The following RUFY3 variants were observed in gnomAD, a reference collection of about 807,000 sequenced individuals.
RUFY3 encodes protein RUFY3.
Under a neutral mutation model 84.0 loss-of-function variants are expected in RUFY3, and 34 were observed. The observed-to-expected ratio is 0.40, with a 90% CI of 0.31 to 0.54. The LOEUF is 0.54. Among genes scored for constraint, RUFY3 ranks in the 20% least tolerant of loss-of-function variants. The pLI, the probability that RUFY3 is intolerant of heterozygous loss-of-function variation, is 0.39. For synonymous variants in RUFY3, 242 were observed against 252.9 expected, an observed-to-expected ratio of 0.96 and a Z score of 0.41; for missense variants, 507 against 736.8, an observed-to-expected ratio of 0.69 and a Z score of 3.61.
At chr4:70,752,325 G>A (rs944063571) in intron 1 of RUFY3, among the ~76,000 whole-genome samples, 2 of 149,874 alleles carry the variant, frequency 1.3e-5, no homozygotes, top group Admixed American at 6.7e-5. Flanking sequence ...TGTGTGTGTG[G>A]ATTCCTTAGG....
chr4:70,773,201 G>A (rs1011904013), intron 5 of RUFY3, among the ~76,000 whole-genome samples: 10 of 152,036 alleles, frequency 6.6e-5, no homozygotes, highest in Non-Finnish European at 1.5e-4. Flanking sequence ...AAATGAACAG[G>A]GATTCAGTAG....
At chr4:70,803,805 C>G (rs1380363419) in intron 16 of RUFY3, among the ~76,000 whole-genome samples, 1 of 151,940 alleles carries the variant, frequency 6.6e-6, no homozygotes, top group African/African-American at 2.4e-5. Context: ...TCACTGCAAC[C>G]TCCGCCTCCC....
At chr4:70,804,506 A>T in intron 17 of RUFY3, 90 bp downstream of exon 17, 1 of 1,120,668 alleles carries the variant, frequency 8.9e-7, no homozygotes. Context: ...ACTTTCCCGC[A>T]TAGAGTGCAG....
chr4:70,708,960 A>G (rs1740665234), intron 1 of RUFY3, among the ~76,000 whole-genome samples: 1 of 152,280 alleles, frequency 6.6e-6, no homozygotes, highest in East Asian at 1.9e-4. Context: ...CAGGAGTCTG[A>G]GGTGGGAGGA....
intron 1 of RUFY3, among the ~76,000 whole-genome samples, chr4:70,760,692 C>G (rs1483427602): frequency 3.9e-5 from 6 of 152,054 alleles, no homozygotes; most frequent in Non-Finnish European, 2.9e-5. Context: ...TTTTGCTGTC[C>G]TCTTGTGAGA....
intron 1 of RUFY3, among the ~76,000 whole-genome samples, chr4:70,744,575 T>C (rs1484567595): frequency 6.6e-6 from 1 of 152,136 alleles, no homozygotes; most frequent in African/African-American, 2.4e-5. Flanking sequence ...TAACAGACTC[T>C]AGTGGGTTGC....
chr4:70,744,146 C>T (rs1721762385), intron 1 of RUFY3, among the ~76,000 whole-genome samples: 1 of 152,158 alleles, frequency 6.6e-6, no homozygotes. Flanking sequence ...TGCTGTTTCT[C>T]ATCTGTTATT....
In RUFY3 at chr4:70,778,643, G is replaced by A. The variant is rs190247221; in HGVS notation, c.894+205G>A. Among the ~76,000 whole-genome samples the A allele has an allele frequency of 4.5e-3, 662 of 145,646 alleles. 3 individuals carry two copies. The highest frequency in any genetic ancestry group is 0.014 in the Middle Eastern group (4 of 284). On this transcript the variant is annotated intron_variant, in intron 8 of 17. Coordinates refer to ENST00000381006, the MANE Select transcript of RUFY3 (RefSeq NM_001037442.4). ...TGCCCAGGCTGGAGTGCAGTGGCGCGATCTTGGCTCACCGCAACCTCCGTC... is the reference window on the plus strand; with the variant it reads ...TGCCCAGGCTGGAGTGCAGTGGCGCAATCTTGGCTCACCGCAACCTCCGTC...
intron 4 of RUFY3, 77 bp from the exon 5 acceptor site, chr4:70,768,450 TTCAACCATGAA>T (rs1726374283): frequency 9.4e-6 from 12 of 1,276,664 alleles, no homozygotes; most frequent in Non-Finnish European, 1.3e-5. Flanking sequence ...ATGACTATGA[TTCAACCATGAA>T]TCAACCATTT....
intron 1 of RUFY3, among the ~76,000 whole-genome samples, chr4:70,733,989 A>G (rs1397587615): frequency 6.6e-6 from 1 of 152,248 alleles, no homozygotes; most frequent in Non-Finnish European, 1.5e-5. Flanking sequence ...ATTATATATC[A>G]GTACCTTCTA....
rs1050027675 is a variant in RUFY3, at chr4:70,806,783, G to C, written c.*124G>C. The C allele has an allele frequency of 2.5e-6, 3 of 1,208,176 alleles. No homozygotes were observed. The highest frequency in any genetic ancestry group is 3.0e-5 in the African/African-American group (2 of 65,744). 74.8% of individuals were successfully genotyped at this position (1,208,176 alleles called of 1,614,324 possible). ...CTAAAGAGTTGATAGGAATTTACTA[G>C]GTCCAGGGAGAAAAGGCAGTGGTTG... is the stretch of plus-strand genomic sequence containing the variant. On this transcript the variant is annotated 3_prime_UTR_variant, in exon 18 of 18. Coordinates refer to ENST00000381006, the MANE Select transcript of RUFY3 (RefSeq NM_001037442.4).
At chr4:70,785,289 T>C (rs1729597327) in intron 10 of RUFY3, among the ~76,000 whole-genome samples, 1 of 152,124 alleles carries the variant, frequency 6.6e-6, no homozygotes, top group African/African-American at 2.4e-5. Context: ...TCTGATTTAT[T>C]ATTGGTCTTA....
intron 17 of RUFY3, among the ~76,000 whole-genome samples, chr4:70,804,791 C>A (rs76570248): frequency 1.4e-5 from 2 of 147,864 alleles, no homozygotes; most frequent in Admixed American, 1.3e-4. Context: ...AATAGCCGGG[C>A]GTGGTGGCCT....
At chr4:70,794,285 A>G (rs1431501420) in intron 13 of RUFY3, among the ~76,000 whole-genome samples, 1 of 152,218 alleles carries the variant, frequency 6.6e-6, no homozygotes, top group East Asian at 1.9e-4. Context: ...CTTTCAGATT[A>G]AAGTAGAGCT....
intron 15 of RUFY3, among the ~76,000 whole-genome samples, chr4:70,800,663 C>T (rs1036079407): frequency 6.6e-6 from 1 of 152,180 alleles, no homozygotes; most frequent in Non-Finnish European, 1.5e-5. Context: ...GCAGGTGGAT[C>T]ACCTGAGATT....
At chr4:70,738,511 C>T (rs1294713733) in intron 1 of RUFY3, among the ~76,000 whole-genome samples, 2 of 150,744 alleles carry the variant, frequency 1.3e-5, no homozygotes. Flanking sequence ...TACAGGCATG[C>T]GCCACCACGC....
At chr4:70,722,811 C>A in intron 1 of RUFY3, 60 bp downstream of exon 1, 1 of 1,524,288 alleles carries the variant, frequency 6.6e-7, no homozygotes, top group African/African-American at 1.4e-5. Context: ...TGGGGGAGGG[C>A]TGGGAGGATC....
At chr4:70,718,597 C>A (rs1560441833), upstream of RUFY3, among the ~76,000 whole-genome samples, 2 of 152,190 alleles carry the variant, frequency 1.3e-5, no homozygotes, top group South Asian at 4.2e-4. Flanking sequence ...ACAGTAATTA[C>A]TCTGTATGTG....
At chr4:70,762,837 G>A in intron 2 of RUFY3, 145 bp downstream of exon 2, 2 of 708,932 alleles carry the variant, frequency 2.8e-6, no homozygotes, top group Non-Finnish European at 4.5e-6. Context: ...TTTTATAGGA[G>A]CAGGGTTATG....
Sources: gnomAD v4.1 joint callset for allele counts (sites outside exome capture counted in the v4.1 genomes callset) on GRCh38, gnomAD v4.1.1 for gene constraint, MANE v1.5 for transcripts, NCBI Gene and HGNC (gene_info 2026-07-23, HGNC 2026-07-21) for gene names.